The following CACNA1A variants were observed in gnomAD, a reference collection of about 807,000 sequenced individuals.
CACNA1A encodes voltage-dependent P/Q-type calcium channel subunit alpha-1A.
Under a neutral mutation model 262.4 loss-of-function variants are expected in CACNA1A, and 57 were observed. The ratio of observed to expected loss-of-function variants is 0.22; its 90% confidence interval spans 0.18 to 0.27. The LOEUF is 0.27. CACNA1A is among the 10% of genes least tolerant of loss of function. The pLI is 1.00. For missense variants in CACNA1A, 2,526 were observed against 3,562.8 expected (o/e 0.71, Z 7.41); for synonymous variants, 1,431 against 1,419.3 (o/e 1.01, Z -0.18).
intron 1 of CACNA1A, among the ~76,000 whole-genome samples, chr19:13,479,427 C>G (rs1978977209): frequency 6.6e-6 from 1 of 152,022 alleles, no homozygotes; most frequent in Non-Finnish European, 1.5e-5. Flanking sequence ...GTGCAAAGGC[C>G]CTGAGGTAGG....
At chr19:13,407,440 G>T (rs2060031043) in intron 3 of CACNA1A, among the ~76,000 whole-genome samples, 1 of 152,092 alleles carries the variant, frequency 6.6e-6, no homozygotes, top group African/African-American at 2.4e-5. Flanking sequence ...GTAAAATGGG[G>T]ATATGAAAGA....
intron 3 of CACNA1A, among the ~76,000 whole-genome samples, chr19:13,394,396 C>A (rs2059774306): frequency 7.3e-6 from 1 of 136,756 alleles, no homozygotes; most frequent in Non-Finnish European, 1.5e-5. Flanking sequence ...GATGATGATC[C>A]CGCCATACAA....
At chr19:13,386,565 C>T (rs1004791161) in intron 3 of CACNA1A, among the ~76,000 whole-genome samples, 4 of 151,972 alleles carry the variant, frequency 2.6e-5, no homozygotes, top group Non-Finnish European at 5.9e-5. Flanking sequence ...GAGGCAGGTG[C>T]ATCACCTGAG....
At chr19:13,497,630 C>T (rs1203315371) in intron 1 of CACNA1A, among the ~76,000 whole-genome samples, 1 of 122,824 alleles carries the variant, frequency 8.1e-6, no homozygotes, top group East Asian at 2.5e-4. Flanking sequence ...ATAGTCCCAG[C>T]TTCTCGGGAG....
intron 30 of CACNA1A, among the ~76,000 whole-genome samples, chr19:13,247,551 T>C (rs2056273129): frequency 6.6e-6 from 1 of 151,624 alleles, no homozygotes; most frequent in African/African-American, 2.4e-5. Context: ...CACACAAAAA[T>C]CAGGCAGGCG....
chr19:13,249,386 T>C (rs886170294), intron 30 of CACNA1A, among the ~76,000 whole-genome samples: 6 of 152,110 alleles, frequency 3.9e-5, no homozygotes, highest in African/African-American at 1.4e-4. Flanking sequence ...TACAGGGTCT[T>C]GCTCTGTCAC....
At chr19:13,461,697 C>G (rs913582649) in intron 1 of CACNA1A, among the ~76,000 whole-genome samples, 2 of 152,220 alleles carry the variant, frequency 1.3e-5, no homozygotes, top group African/African-American at 4.8e-5. Flanking sequence ...TTCTAACTCA[C>G]AGCTGCGGTG....
chr19:13,410,522 TTTTCTTTA>T (rs1318207794), intron 3 of CACNA1A, among the ~76,000 whole-genome samples: 1 of 145,118 alleles, frequency 6.9e-6, no homozygotes, highest in Admixed American at 6.8e-5. Context: ...GGCCTTTTTT[TTTTCTTTA>T]TTCTTTTTTC....
rs112737412 is a variant in CACNA1A at position 13,264,325 on chromosome 19, C to T, written c.3990-1492G>A. Among the ~76,000 whole-genome samples, 1,193 of 152,314 alleles carry T rather than the reference C, an allele frequency of 7.8e-3. 16 individuals are homozygous for T. The highest frequency in any genetic ancestry group is 0.027 in the African/African-American group (1,118 of 41,564). On this transcript the variant is annotated intron_variant, in intron 24 of 46. Transcript: ENST00000360228. ...CAGTGGGTCACCTTCCTTAACATCC[C>T]GCCATCCATTCCTGGGTGCCATCCC...
Position 13,206,465 on chromosome 19 carries a change from T to A in CACNA1A, c.*848A>T, listed in dbSNP as rs1056543291. ...CCTTTGATTCAACTTTTTTTTATTT[T>A]TTTTTTCTTTTTGAATGTCATGCAA... On this transcript the variant is annotated 3_prime_UTR_variant, in exon 47 of 47. Coordinates refer to ENST00000360228, the MANE Select transcript of CACNA1A (RefSeq NM_001127222.2). 2.6e-5 allele frequency: 4 copies of A among 152,274 alleles called. No individual in the cohort carries two copies. The highest frequency in any genetic ancestry group is 7.2e-5 in the African/African-American group (3 of 41,414). The allele number at this position is 152,274 out of a possible 1,614,324, so 9.4% of individuals were successfully genotyped here. A position where few individuals can be genotyped will look rare whatever the true frequency, so the allele number is the denominator to read the frequency against.
chr19:13,486,436 T>C (rs10424654), intron 1 of CACNA1A, among the ~76,000 whole-genome samples: 101,903 of 151,740 alleles, frequency 0.67, 34,784 homozygotes, highest in African/African-American at 0.8. Flanking sequence ...CACACGTCAG[T>C]TAAAGACTAA....
chr19:13,500,170 G>A (rs1346537449), intron 1 of CACNA1A, among the ~76,000 whole-genome samples: 6 of 152,150 alleles, frequency 3.9e-5, no homozygotes, highest in Admixed American at 3.9e-4. Context: ...TTGGCACAAG[G>A]GTAGATCAGA....
At chr19:13,208,096 A>T (rs2054634980) in intron 46 of CACNA1A, 43 bp from the exon 47 acceptor site, 1 of 1,248,292 alleles carries the variant, frequency 8.0e-7, no homozygotes. Context: ...AAAAAGATAC[A>T]ACAAAATCAA....
intron 19 of CACNA1A, among the ~76,000 whole-genome samples, chr19:13,293,801 C>A (rs2057599117): frequency 6.9e-6 from 1 of 145,862 alleles, no homozygotes; most frequent in African/African-American, 2.5e-5. Flanking sequence ...CTATTCTTAT[C>A]TTCATTTTAT....
chr19:13,409,206 G>A (rs2060066363), intron 3 of CACNA1A, among the ~76,000 whole-genome samples: 1 of 152,102 alleles, frequency 6.6e-6, no homozygotes, highest in African/African-American at 2.4e-5. Context: ...CGTGGGGTAC[G>A]GATGACATTG....
At chr19:13,277,212 G>T in intron 22 of CACNA1A, 84 bp from the exon 23 acceptor site, 1 of 937,216 alleles carries the variant, frequency 1.1e-6, no homozygotes, top group Middle Eastern at 2.2e-4. Context: ...GCCTACTGGG[G>T]AGCAGAGTTT....
rs758153051 is a variant in CACNA1A, at chr19:13,506,096, C to G, written c.129G>C (p.Gly43=). ...AGGSRQGGQP[G]AQRMYKQSMA... ...TTGACTGCTTGTACATCCTTTGCGC[C>G]CCGGGCTGCCCGCCCTGCCGGCTGC... The change falls in exon 1 of 47, where the codon GGG becomes GGC. Residue 43 remains glycine, a synonymous_variant. Transcript: ENST00000360228. 1 of 1,613,108 alleles carries G rather than the reference C, an allele frequency of 6.2e-7. No homozygotes were observed. The highest frequency in any genetic ancestry group is 8.5e-7 in the Non-Finnish European group (1 of 1,179,594).
intron 3 of CACNA1A, among the ~76,000 whole-genome samples, chr19:13,378,486 TTC>T (rs1262546810): frequency 2.0e-5 from 3 of 151,946 alleles, no homozygotes; most frequent in Non-Finnish European, 4.4e-5. Flanking sequence ...GCGGAAAACT[TTC>T]TTGTCTTATT....
intron 44 of CACNA1A, among the ~76,000 whole-genome samples, chr19:13,209,993 T>G (rs548147018): frequency 6.6e-6 from 1 of 151,150 alleles, no homozygotes; most frequent in Admixed American, 6.6e-5. Flanking sequence ...ATGGCAGCTT[T>G]GGGTCCTCCC....
Sources: allele counts gnomAD v4.1 joint callset (sites outside exome capture counted in the v4.1 genomes callset), GRCh38; gene constraint gnomAD v4.1.1; transcripts MANE v1.5; gene names NCBI Gene and HGNC (gene_info 2026-07-23, HGNC 2026-07-21).